ARHGAP22: variants seen among roughly 807,000 people sequenced by gnomAD.
ARHGAP22 encodes Rho GTPase activating protein 22.
Under a neutral mutation model 59.1 loss-of-function variants are expected in ARHGAP22, and 48 were observed. The observed-to-expected ratio is 0.81, with a 90% CI of 0.64 to 1.03. ARHGAP22 has a LOEUF of 1.03. Ranked by LOEUF, ARHGAP22 falls within the 50% of genes least tolerant of loss-of-function variation. ARHGAP22 has a pLI of 0.00. For missense variants in ARHGAP22, 1,015 were observed against 958.7 expected (o/e 1.06, Z -0.78); for synonymous variants, 445 against 416.4 (o/e 1.07, Z -0.84).
chr10:48,526,279 A>C (rs1464714093), intron 3 of ARHGAP22, among the ~76,000 whole-genome samples: 1 of 152,218 alleles, frequency 6.6e-6, no homozygotes, highest in Non-Finnish European at 1.5e-5. Flanking sequence ...CCAGGAGTTA[A>C]GTCTTCATTC....
intron 3 of ARHGAP22, chr10:48,493,746 G>A (rs2050648574): frequency 9.6e-7 from 1 of 1,046,778 alleles, no homozygotes; most frequent in Non-Finnish European, 1.3e-6. Flanking sequence ...GCCAGTGGGA[G>A]GTCGGCGTGG....
At chr10:48,618,019 C>T (rs1565006905) in intron 1 of ARHGAP22, among the ~76,000 whole-genome samples, 1 of 151,658 alleles carries the variant, frequency 6.6e-6, no homozygotes, top group Non-Finnish European at 1.5e-5. Context: ...ACTGAAACCA[C>T]CTAAATACAA....
intron 2 of ARHGAP22, among the ~76,000 whole-genome samples, chr10:48,558,426 G>A (rs980185697): frequency 5.3e-5 from 8 of 151,448 alleles, no homozygotes; most frequent in African/African-American, 1.5e-4. Context: ...GCAGTGTTGC[G>A]ATCATGGCTT....
chr10:48,591,987 A>G (rs1039962412), intron 1 of ARHGAP22, among the ~76,000 whole-genome samples: 9 of 152,236 alleles, frequency 5.9e-5, no homozygotes, highest in Admixed American at 5.9e-4. Flanking sequence ...GGGTAGTCAC[A>G]ATCAAGCATG....
At chr10:48,641,253 T>C (rs2062033234) in intron 1 of ARHGAP22, among the ~76,000 whole-genome samples, 1 of 152,140 alleles carries the variant, frequency 6.6e-6, no homozygotes, top group Non-Finnish European at 1.5e-5. Context: ...TATCAATAAT[T>C]ATATTAAATG....
Position 48,450,288 on chromosome 10 carries a change from C to T in ARHGAP22, c.1841G>A (p.Arg614Gln). The T allele has an allele frequency of 1.2e-6, 2 of 1,609,754 alleles. No individual in the cohort carries two copies. Among genetic ancestry groups the T allele is most frequent in the Non-Finnish European group, 1.7e-6 (2 of 1,178,616 alleles). ...TELRAELCRQ[R>Q]TEYERSVKRI... ...TTTCACACTCCTCTCGTACTCAGTC[C>T]GCTGGCGGCACAGCTCGGCCCTGAG... The change falls in exon 9 of 10, where the codon CGG becomes CAG. Residue 614 changes from arginine to glutamine, a missense_variant. By Grantham distance (43) the Arg-to-Gln change is conservative. Coordinates refer to ENST00000249601, the MANE Select transcript of ARHGAP22 (RefSeq NM_021226.4).
chr10:48,499,983 T>C (rs987650174), intron 3 of ARHGAP22, among the ~76,000 whole-genome samples: 1 of 152,154 alleles, frequency 6.6e-6, no homozygotes, highest in African/African-American at 2.4e-5. Flanking sequence ...TAAGCAAAAA[T>C]AGCAAGTGCA....
At chr10:48,504,900 G>C (rs1378990704) in intron 3 of ARHGAP22, among the ~76,000 whole-genome samples, 1 of 152,138 alleles carries the variant, frequency 6.6e-6, no homozygotes, top group Non-Finnish European at 1.5e-5. Context: ...TCCCGGTAGT[G>C]ATGAATTGAG....
chr10:48,529,497 A>C (rs930017631), intron 3 of ARHGAP22, among the ~76,000 whole-genome samples: 1 of 152,128 alleles, frequency 6.6e-6, no homozygotes, highest in African/African-American at 2.4e-5. Flanking sequence ...CCTTGTAAAC[A>C]GTGGAATTGT....
chr10:48,646,475 G>T (rs1215826182), intron 1 of ARHGAP22, among the ~76,000 whole-genome samples: 2 of 152,202 alleles, frequency 1.3e-5, no homozygotes, highest in Non-Finnish European at 2.9e-5. Flanking sequence ...ATAGGCACAA[G>T]GATAGGTCTA....
At chr10:48,450,179 GGCCGAC>G (rs2045761880) in intron 9 of ARHGAP22, 76 bp downstream of exon 9, 1 of 1,524,488 alleles carries the variant, frequency 6.6e-7, no homozygotes. Context: ...AGAGGTTAGG[GGCCGAC>G]GCCCATGTGC....
chr10:48,497,629 T>G (rs1186977957), intron 3 of ARHGAP22, among the ~76,000 whole-genome samples: 1 of 152,068 alleles, frequency 6.6e-6, no homozygotes, highest in African/African-American at 2.4e-5. Context: ...AAAACAGCTC[T>G]GGAAAGAAGA....
chr10:48,441,277 T>C (rs536329154), downstream of ARHGAP22, among the ~76,000 whole-genome samples: 1 of 152,230 alleles, frequency 6.6e-6, no homozygotes, highest in African/African-American at 2.4e-5. Flanking sequence ...TATACCACTT[T>C]AGAGTTAACC....
downstream of ARHGAP22, chr10:48,444,000 C>CAAGT (rs1438000206): frequency 6.6e-6 from 1 of 152,254 alleles, no homozygotes; most frequent in East Asian, 1.9e-4. Flanking sequence ...AAGTCAAACA[C>CAAGT]AAGTTTTACG....
upstream of ARHGAP22, among the ~76,000 whole-genome samples, chr10:48,607,552 G>A (rs1451625759): frequency 1.3e-5 from 2 of 152,178 alleles, no homozygotes; most frequent in Admixed American, 6.5e-5. Context: ...CCTCTGGGGT[G>A]GCCTGTGGGA....
At chr10:48,505,269 G>T (rs2051983410) in intron 3 of ARHGAP22, among the ~76,000 whole-genome samples, 2 of 152,094 alleles carry the variant, frequency 1.3e-5, no homozygotes, top group African/African-American at 4.8e-5. Flanking sequence ...TGGCCAGGCT[G>T]GTCTCGAACT....
chr10:48,570,410 G>A (rs2135480412), intron 2 of ARHGAP22, among the ~76,000 whole-genome samples: 1 of 152,346 alleles, frequency 6.6e-6, no homozygotes, highest in East Asian at 1.9e-4. Flanking sequence ...ACTAATGGGA[G>A]TGTGAAGCTC....
At chr10:48,554,833 C>T (rs1025236395) in intron 3 of ARHGAP22, among the ~76,000 whole-genome samples, 2 of 152,172 alleles carry the variant, frequency 1.3e-5, no homozygotes, top group East Asian at 3.9e-4. Context: ...TCTCTGACTC[C>T]CTTCCTCATG....
At chr10:48,461,422 T>C (rs2047123587) in intron 4 of ARHGAP22, among the ~76,000 whole-genome samples, 1 of 152,204 alleles carries the variant, frequency 6.6e-6, no homozygotes, top group Non-Finnish European at 1.5e-5. Context: ...TGTACACTTA[T>C]GACTTGTATG....
Sources: allele counts gnomAD v4.1 joint callset (sites outside exome capture counted in the v4.1 genomes callset), GRCh38; gene constraint gnomAD v4.1.1; transcripts MANE v1.5; gene names NCBI Gene and HGNC (gene_info 2026-07-23, HGNC 2026-07-21).